CDH18: variants seen among roughly 807,000 people sequenced by gnomAD.
CDH18 encodes cadherin-18.
Under a neutral mutation model 67.9 loss-of-function variants are expected in CDH18, and 31 were observed. The ratio of observed to expected loss-of-function variants is 0.46; its 90% CI spans 0.34 to 0.62. The LOEUF (loss-of-function observed/expected upper bound fraction) is 0.62, where lower values mean the gene tolerates loss of function less well. CDH18 is among the 20% of genes least tolerant of loss of function. The pLI is 0.01. For synonymous variants in CDH18, 362 were observed against 347.2 expected, an observed-to-expected ratio of 1.04 and a Z score of -0.48; for missense variants, 890 against 975.5, an observed-to-expected ratio of 0.91 and a Z score of 1.17.
intron 2 of CDH18, among the ~76,000 whole-genome samples, chr5:19,995,665 C>T (rs1015742504): frequency 6.8e-6 from 1 of 146,754 alleles, no homozygotes; most frequent in African/African-American, 2.5e-5. Context: ...TTTGGCATAA[C>T]AAAGACTTGG....
chr5:20,166,575 C>G (rs191017568), intron 2 of CDH18, among the ~76,000 whole-genome samples: 28 of 152,092 alleles, frequency 1.8e-4, no homozygotes, highest in African/African-American at 6.8e-4. Flanking sequence ...AGAGTCACCT[C>G]GAAAGCATGA....
chr5:19,740,576 T>C (rs1421441429), intron 4 of CDH18, among the ~76,000 whole-genome samples: 1 of 152,152 alleles, frequency 6.6e-6, no homozygotes, highest in African/African-American at 2.4e-5. Flanking sequence ...TTACCAGCTT[T>C]TTATTGCTAA....
At chr5:20,076,322 A>AT (rs1208405654) in intron 2 of CDH18, among the ~76,000 whole-genome samples, 2 of 151,840 alleles carry the variant, frequency 1.3e-5, no homozygotes, top group African/African-American at 2.4e-5. Flanking sequence ...GAATATTTAG[A>AT]TTTTTCAGAT....
rs10428625 is a variant in CDH18 at position 20,425,055 on chromosome 5, T to G, written c.-580+150407A>C. Among the ~76,000 whole-genome samples the G allele has an allele frequency of 7.5e-3, 1,132 of 150,884 alleles. 86 individuals carry two copies. Among genetic ancestry groups the G allele is most frequent in the African/African-American group, 0.027 (1,072 of 40,290 alleles). On this transcript the variant is annotated intron_variant, in intron 1 of 14. Coordinates refer to the CDH18 transcript ENST00000507958. ...AACTGTCCGGATAATATGAAAGACT[T>G]AGTCTTAGAGTTAAAAAAAAATTAA... is the stretch of plus-strand genomic sequence containing the variant.
intron 1 of CDH18, among the ~76,000 whole-genome samples, chr5:20,401,808 T>A (rs1745793779): frequency 6.6e-6 from 1 of 152,210 alleles, no homozygotes; most frequent in South Asian, 2.1e-4. Context: ...CTGGTTTTGA[T>A]GTTTCCAGTA....
intron 5 of CDH18, among the ~76,000 whole-genome samples, chr5:19,650,740 G>A (rs1755454862): frequency 6.6e-6 from 1 of 151,978 alleles, no homozygotes; most frequent in Admixed American, 6.6e-5. Context: ...AAAATTAAAC[G>A]TATTTCCACA....
intron 1 of CDH18, among the ~76,000 whole-genome samples, chr5:20,448,234 AT>A (rs950255749): frequency 3.3e-4 from 49 of 149,704 alleles, no homozygotes; most frequent in African/African-American, 1.1e-3. Flanking sequence ...TGAATTCATC[AT>A]TTTTTATGGC....
At chr5:20,450,415 G>C (rs942902187) in intron 1 of CDH18, among the ~76,000 whole-genome samples, 1 of 152,120 alleles carries the variant, frequency 6.6e-6, no homozygotes, top group African/African-American at 2.4e-5. Flanking sequence ...ATATGGGATT[G>C]TATTTTGTTT....
chr5:19,665,893 A>G (rs1256099037), intron 5 of CDH18, among the ~76,000 whole-genome samples: 1 of 152,104 alleles, frequency 6.6e-6, no homozygotes, highest in Non-Finnish European at 1.5e-5. Context: ...GTAACACAGA[A>G]TATGTGACAC....
chr5:20,380,404 T>C lies in CDH18; in HGVS notation c.-579-124899A>G, dbSNP rs189777533. On this transcript the variant is annotated intron_variant, in intron 1 of 14. Transcript: ENST00000507958. ...TTTGCTTTCTAAAAAATACTTCTTA[T>C]GGTTGTAAAGATTCAAAATAATTTC... Among the ~76,000 whole-genome samples, 3 of 152,346 alleles carry C rather than the reference T, an allele frequency of 2.0e-5. No homozygotes were observed. In the East Asian group the frequency reaches 5.8e-4, roughly 29 times the overall value.
intron 2 of CDH18, among the ~76,000 whole-genome samples, chr5:20,050,293 T>C (rs1430601800): frequency 6.6e-6 from 1 of 151,916 alleles, no homozygotes; most frequent in Admixed American, 6.6e-5. Context: ...GATTTGGGTA[T>C]GCTGTAGCCA....
At chr5:19,595,233 GTC>G (rs1326168926) in intron 6 of CDH18, among the ~76,000 whole-genome samples, 12 of 151,878 alleles carry the variant, frequency 7.9e-5, no homozygotes, top group Non-Finnish European at 1.5e-4. Flanking sequence ...GGAAGTGAAA[GTC>G]TCATGCACTG....
chr5:20,011,530 G>T (rs2150415911), intron 2 of CDH18, among the ~76,000 whole-genome samples: 1 of 152,194 alleles, frequency 6.6e-6, no homozygotes, highest in Non-Finnish European at 1.5e-5. Flanking sequence ...TTTGTCTCAT[G>T]CCAATTTTCA....
chr5:20,511,506 A>G (rs1755034432), intron 1 of CDH18, among the ~76,000 whole-genome samples: 1 of 152,178 alleles, frequency 6.6e-6, no homozygotes, highest in African/African-American at 2.4e-5. Flanking sequence ...TAATAGAGGC[A>G]TAGGCAAATA....
intron 1 of CDH18, among the ~76,000 whole-genome samples, chr5:20,328,243 A>G (rs1226500933): frequency 1.3e-5 from 2 of 152,192 alleles, no homozygotes; most frequent in African/African-American, 2.4e-5. Flanking sequence ...GAGAAGACTC[A>G]AAAAGCCCAG....
chr5:19,675,339 G>T (rs1190269013), intron 5 of CDH18, among the ~76,000 whole-genome samples: 1 of 151,994 alleles, frequency 6.6e-6, no homozygotes, highest in Non-Finnish European at 1.5e-5. Flanking sequence ...AATTTATCAG[G>T]CAGGAATTTC....
intron 2 of CDH18, among the ~76,000 whole-genome samples, chr5:20,216,704 T>C (rs1740801230): frequency 6.6e-6 from 1 of 151,948 alleles, no homozygotes; most frequent in Admixed American, 6.6e-5. Flanking sequence ...AGATTCCTTC[T>C]TGTCCTGCTG....
chr5:19,664,457 G>A (rs879697506), intron 5 of CDH18, among the ~76,000 whole-genome samples: 6 of 151,728 alleles, frequency 4.0e-5, no homozygotes, highest in Non-Finnish European at 8.8e-5. Context: ...TTATGGGTTC[G>A]CTAAATCAAA....
chr5:19,999,251 C>T (rs908616454), intron 2 of CDH18, among the ~76,000 whole-genome samples: 3 of 151,842 alleles, frequency 2.0e-5, no homozygotes, highest in Admixed American at 6.6e-5. Context: ...CACACACTTA[C>T]CCCTTCTAAA....
Sources: allele counts gnomAD v4.1 joint callset (sites outside exome capture counted in the v4.1 genomes callset), GRCh38; gene constraint gnomAD v4.1.1; transcripts MANE v1.5; gene names NCBI Gene and HGNC (gene_info 2026-07-23, HGNC 2026-07-21).